DHRSX: variants seen among roughly 807,000 people sequenced by gnomAD.
DHRSX encodes the protein polyprenol dehydrogenase.
In DHRSX, 31 loss-of-function variants were observed where a neutral mutation model predicts 34.0. The ratio of observed to expected loss-of-function variants is 0.91; its 90% CI spans 0.69 to 1.23. DHRSX has a LOEUF of 1.23. Ranked by LOEUF, DHRSX falls within the 50% of genes most tolerant of loss-of-function variation. DHRSX has a pLI of 0.00. For synonymous variants in DHRSX, 201 were observed against 183.8 expected, an observed-to-expected ratio of 1.09 and a Z score of -0.76; for missense variants, 414 against 428.1, an observed-to-expected ratio of 0.97 and a Z score of 0.29.
intron 3 of DHRSX, among the ~76,000 whole-genome samples, chrX:2,346,240 T>G (rs1049814390): frequency 1.7e-4 from 9 of 53,444 alleles, no homozygotes; most frequent in African/African-American, 3.0e-4. Context: ...GCTACAGAGG[T>G]GCATCTGACA....
At chrX:2,484,657 T>A (rs1030045076) in intron 1 of DHRSX, among the ~76,000 whole-genome samples, 2 of 151,972 alleles carry the variant, frequency 1.3e-5, no homozygotes, top group Non-Finnish European at 2.9e-5. Context: ...CATGGCGAGT[T>A]CATTTTATAA....
intron 6 of DHRSX, among the ~76,000 whole-genome samples, chrX:2,240,574 A>C (rs910986562): frequency 6.6e-6 from 1 of 151,848 alleles, no homozygotes; most frequent in South Asian, 2.1e-4. Flanking sequence ...AAGCTGTCTA[A>C]ACTGACTCAG....
chrX:2,266,348 G>A (rs1469448434), intron 5 of DHRSX, among the ~76,000 whole-genome samples: 3 of 143,736 alleles, frequency 2.1e-5, no homozygotes, highest in African/African-American at 7.9e-5. Flanking sequence ...ACTGTCCCCA[G>A]AGCACCAGTG....
intron 3 of DHRSX, among the ~76,000 whole-genome samples, chrX:2,397,058 G>A (rs2043421002): frequency 6.6e-6 from 1 of 151,842 alleles, no homozygotes; most frequent in Admixed American, 6.6e-5. Flanking sequence ...TAAAGTACAG[G>A]GTCGCGATCA....
chrX:2,489,382 C>T, intron 1 of DHRSX: 1 of 1,613,970 alleles, frequency 6.2e-7, no homozygotes. Flanking sequence ...CCTCCTTGGC[C>T]ATGCTGAGCT....
chrX:2,324,263 A>G (rs2042349166), intron 3 of DHRSX, among the ~76,000 whole-genome samples: 1 of 152,146 alleles, frequency 6.6e-6, no homozygotes, highest in Non-Finnish European at 1.5e-5. Context: ...GAATCCAAAC[A>G]TTGAATGCAC....
At chrX:2,429,361 A>G (rs1204701412) in intron 1 of DHRSX, among the ~76,000 whole-genome samples, 2 of 152,022 alleles carry the variant, frequency 1.3e-5, no homozygotes, top group African/African-American at 2.4e-5. Flanking sequence ...TCTCAGCCCC[A>G]ATGCCAACTT....
chrX:2,481,552 G>C (rs1376511711), intron 1 of DHRSX, among the ~76,000 whole-genome samples: 3 of 151,924 alleles, frequency 2.0e-5, no homozygotes, highest in Non-Finnish European at 2.9e-5. Context: ...TGTAATCCCA[G>C]CTACTCAGGA....
chrX:2,361,012 G>C (rs1388220373), intron 3 of DHRSX, among the ~76,000 whole-genome samples: 1 of 152,134 alleles, frequency 6.6e-6, no homozygotes, highest in Non-Finnish European at 1.5e-5. Context: ...AATCAGTTCT[G>C]ACAGCTCCTA....
intron 3 of DHRSX, among the ~76,000 whole-genome samples, chrX:2,343,835 A>G (rs758737430): frequency 6.6e-6 from 1 of 152,294 alleles, no homozygotes; most frequent in Non-Finnish European, 1.5e-5. Flanking sequence ...ACATGCATAT[A>G]TTGGTGAAGT....
chrX:2,391,951 C>A lies in DHRSX; in HGVS notation c.286+16794G>T, dbSNP rs182228457. Among the ~76,000 whole-genome samples the A allele has an allele frequency of 3.7e-3, 567 of 152,076 alleles. 8 individuals carry two copies. The highest frequency in any genetic ancestry group is 0.013 in the African/African-American group (521 of 41,482). On this transcript the variant is annotated intron_variant, in intron 3 of 6. Transcript: ENST00000334651. ...AAAAGAAAAAAAAAGGAAAGAAATTCAAGAGGGACTGTGAAAAGAGCAGTG... is the reference window on the plus strand; with the variant it reads ...AAAAGAAAAAAAAAGGAAAGAAATTAAAGAGGGACTGTGAAAAGAGCAGTG...
chrX:2,344,872 CATAT>C (rs775259345), intron 3 of DHRSX, among the ~76,000 whole-genome samples: 4,327 of 97,952 alleles, frequency 0.044, 145 homozygotes, highest in East Asian at 0.091. Context: ...TAAAAAGAAG[CATAT>C]ATATATATAT....
chrX:2,221,335 C>G, intron 6 of DHRSX, 106 bp from the exon 7 acceptor site: 1 of 1,139,040 alleles, frequency 8.8e-7, no homozygotes, highest in Non-Finnish European at 1.3e-6. Flanking sequence ...ATATACTCAT[C>G]AGCTGCACTG....
At chrX:2,400,195 C>T (rs2043469223) in intron 3 of DHRSX, among the ~76,000 whole-genome samples, 1 of 152,174 alleles carries the variant, frequency 6.6e-6, no homozygotes, top group South Asian at 2.1e-4. Context: ...CAGACATGAT[C>T]TCTCAAGGAT....
At chrX:2,289,636 G>T (rs1272997247) in intron 4 of DHRSX, among the ~76,000 whole-genome samples, 1 of 152,208 alleles carries the variant, frequency 6.6e-6, no homozygotes, top group South Asian at 2.1e-4. Context: ...GAAATGAGAC[G>T]TCGGGTCGTG....
intron 1 of DHRSX, among the ~76,000 whole-genome samples, chrX:2,464,010 T>C (rs1400167232): frequency 1.3e-5 from 2 of 152,090 alleles, no homozygotes; most frequent in Admixed American, 1.3e-4. Context: ...GCTAAGAATA[T>C]GGCTAAGAGA....
At chrX:2,349,908 A>G (rs71205273) in intron 3 of DHRSX, among the ~76,000 whole-genome samples, 22,951 of 137,172 alleles carry the variant, frequency 0.17, 2,699 homozygotes, top group Admixed American at 0.21. Flanking sequence ...GCGTGGTGGC[A>G]GGCGCCTGCA....
intron 4 of DHRSX, among the ~76,000 whole-genome samples, chrX:2,282,765 AAAGC>A (rs1272246326): frequency 1.5e-4 from 12 of 78,072 alleles, no homozygotes; most frequent in Non-Finnish European, 2.9e-4. Context: ...AAGAGGGGAG[AAAGC>A]GAGGGAGGGA....
chrX:2,393,557 C>T (rs868554783), intron 3 of DHRSX, among the ~76,000 whole-genome samples: 945 of 88,690 alleles, frequency 0.011, 16 homozygotes, highest in Non-Finnish European at 0.02. Context: ...CTGTCTCCGG[C>T]GCACACAGGA....
Sources: gnomAD v4.1 joint callset for allele counts (sites outside exome capture counted in the v4.1 genomes callset) on GRCh38, gnomAD v4.1.1 for gene constraint, MANE v1.5 for transcripts, NCBI Gene and HGNC (gene_info 2026-07-23, HGNC 2026-07-21) for gene names.